The following B4GALT3 variants were observed in gnomAD, a reference collection of about 807,000 sequenced individuals.
B4GALT3 encodes the protein beta-1,4-galactosyltransferase 3.
A neutral mutation model predicts 40.7 loss-of-function variants in B4GALT3; 29 were observed. The ratio of observed to expected loss-of-function variants is 0.71; its 90% CI spans 0.53 to 0.97. B4GALT3 has a LOEUF of 0.97. Among genes scored for constraint, B4GALT3 ranks in the 50% least tolerant of loss-of-function variants. B4GALT3 has a pLI of 0.00. For synonymous variants in B4GALT3, 182 were observed against 203.9 expected (o/e 0.89, Z 0.92); for missense variants, 390 against 522.3 (o/e 0.75, Z 2.47).
intron 4 of B4GALT3, 87 bp from the exon 5 acceptor site, chr1:161,174,136 GGT>G: frequency 7.1e-7 from 1 of 1,415,066 alleles, no homozygotes; most frequent in East Asian, 2.3e-5. Flanking sequence ...GGCCGGGCGC[GGT>G]GGCTTACGCC....
At chr1:161,176,191 G>A in intron 2 of B4GALT3, 117 bp from the exon 3 acceptor site, 1 of 1,149,764 alleles carries the variant, frequency 8.7e-7, no homozygotes, top group Non-Finnish European at 1.2e-6. Context: ...AGAAAACAAA[G>A]TCACAGAAGG....
Position 161,173,727 on chromosome 1 carries a change from G to T in B4GALT3, c.681C>A (p.Ser227Arg). 6.2e-7 allele frequency: 1 copy of T among 1,614,110 alleles called. No individual in the cohort carries two copies. Among genetic ancestry groups the T allele is most frequent in the Non-Finnish European group, 8.5e-7 (1 of 1,180,008 alleles). Residue 227 changes from serine to arginine, a missense_variant and splice_region_variant, in exon 6 of 8, where the codon AGC (serine) becomes AGA (arginine). Ser to Arg is a moderately radical substitution (Grantham distance 110). Transcript: ENST00000319769. ...VAVAMNKFGYSLPYPQYFGGV... is the reference protein window; with the variant it reads ...VAVAMNKFGYRLPYPQYFGGV... Reference sequence around the variant, plus strand: ...CTCCGAAGTACTGGGGGTACGGGAGGCTAGGGAGAGAAAGATCCTTGCATA... The same window carrying T: ...CTCCGAAGTACTGGGGGTACGGGAGTCTAGGGAGAGAAAGATCCTTGCATA...
chr1:161,176,689 AGAG>A lies in B4GALT3; in HGVS notation c.-160-113_-160-111del, dbSNP rs1205404732. ...AGTGAAGGAAAGTGGTTGGAAAGGA[AGAG>A]GAGGAGCAGGAGATGGTAGGTCCCT... On this transcript the variant is annotated intron_variant, in intron 1 of 7. Transcript: ENST00000319769. 1.1e-5 allele frequency: 7 copies of A among 619,104 alleles called. No individual in the cohort carries two copies. In the Admixed American group the frequency reaches 1.4e-4, roughly 13 times the overall value. 38.4% of individuals were successfully genotyped at this position (619,104 alleles called of 1,614,324 possible).
chr1:161,172,042 A>G lies in B4GALT3; in HGVS notation c.956T>C (p.Met319Thr). The G allele has an allele frequency of 6.2e-7, 1 of 1,614,198 alleles. No individual in the cohort carries two copies. The highest frequency in any genetic ancestry group is 8.5e-7 in the Non-Finnish European group (1 of 1,180,028). The change falls in exon 8 of 8, where the codon ATG (methionine) becomes ACG (threonine). Residue 319 changes from methionine (M) to threonine (T), a missense_variant. Around this residue, in one of 3 missense-constraint regions of B4GALT3, gnomAD observed 135 missense variants for 227.8 expected, o/e 0.59. Coordinates refer to ENST00000319769, the MANE Select transcript of B4GALT3 (RefSeq NM_003779.4). The part of the protein sequence containing the change: ...RTQNSWTQDG[M>T]NSLTYQLLAR... ...CAGCAACTGGTATGTCAGTGAGTTC[A>G]TCCCATCTTGCGTCCAGGAATTCTG...
intron 4 of B4GALT3, 127 bp from the exon 5 acceptor site, chr1:161,174,176 G>A: frequency 1.0e-6 from 1 of 969,744 alleles, no homozygotes; most frequent in East Asian, 2.6e-5. Context: ...GGGAGGCCAA[G>A]GCAGGCAGAT....
intron 6 of B4GALT3, 137 bp from the exon 7 acceptor site, chr1:161,172,468 A>C: frequency 1.4e-6 from 1 of 720,922 alleles, no homozygotes; most frequent in Non-Finnish European, 2.2e-6. Flanking sequence ...CAGAAGTCAA[A>C]CAGAAAGAAG....
In B4GALT3 at chr1:161,176,002, A is replaced by G. The variant is rs1663370231; in HGVS notation, c.59T>C (p.Leu20Pro). ...CTLALLVGSQLAVMMYLSLGG... is the reference protein window; with the variant it reads ...CTLALLVGSQPAVMMYLSLGG... Reference sequence around the variant, plus strand: ...CAGTGACAGGTACATCATGACAGCCAGCTGGGAGCCCACAAGCAGGGCCAG... The same window carrying G: ...CAGTGACAGGTACATCATGACAGCCGGCTGGGAGCCCACAAGCAGGGCCAG... Residue 20 changes from leucine (L) to proline (P), a missense_variant, in exon 3 of 8, where the codon CTG (leucine) becomes CCG (proline). Around this residue, in one of 3 missense-constraint regions of B4GALT3, gnomAD observed 183 missense variants for 223.2 expected, o/e 0.82. Coordinates refer to ENST00000319769, the MANE Select transcript of B4GALT3 (RefSeq NM_003779.4). 1.2e-6 allele frequency: 2 copies of G among 1,614,128 alleles called. No homozygotes were observed. The highest frequency in any genetic ancestry group is 8.5e-7 in the Non-Finnish European group (1 of 1,180,020).
At chr1:161,177,594 G>A (rs751361722), upstream of B4GALT3, 41 of 158,990 alleles carry the variant, frequency 2.6e-4, no homozygotes, top group Non-Finnish European at 5.3e-4. Flanking sequence ...CGTGGCCGGG[G>A]GCTTGTGAGG....
Position 161,171,749 on chromosome 1 carries a change from G to T in B4GALT3, c.*67C>A. The T allele has an allele frequency of 6.4e-7, 1 of 1,569,332 alleles. No homozygotes were observed. Among genetic ancestry groups the T allele is most frequent in the Non-Finnish European group, 8.7e-7 (1 of 1,150,164 alleles). On this transcript the variant is annotated 3_prime_UTR_variant, in exon 8 of 8. Coordinates refer to ENST00000319769, the MANE Select transcript of B4GALT3 (RefSeq NM_003779.4). ...CACATCCCTCTGAGAACAGTGAGGA[G>T]CTGAGGGTGGGGAGAATACAACCCC...
chr1:161,171,962 G>A lies in B4GALT3; in HGVS notation c.1036C>T (p.Pro346Ser), dbSNP rs762986792. 6.2e-7 allele frequency: 1 copy of A among 1,614,010 alleles called. No individual in the cohort carries two copies. Among genetic ancestry groups the A allele is most frequent in the African/African-American group, 1.3e-5 (1 of 74,882 alleles). The change falls in exon 8 of 8, where the codon CCT (proline) becomes TCT (serine). Residue 346 changes from proline (P) to serine (S), a missense_variant. Physicochemically the swap from Pro to Ser is moderately conservative, Grantham distance 74. Transcript: ENST00000319769. ...TNITADIGTD[P>S]RGPRAPSGPR... ...CCAGAAGGAGCCCGAGGACCCCGAG[G>A]GTCAGTCCCAATGTCTGCTGTGATG...
chr1:161,176,925 G>T, intron 1 of B4GALT3: 1 of 1,536,236 alleles, frequency 6.5e-7, no homozygotes, highest in Non-Finnish European at 8.7e-7. Context: ...GGGCGAAGTA[G>T]GAAACAGGCT....
chr1:161,177,650 C>G (rs1286451041), upstream of B4GALT3: 2 of 156,718 alleles, frequency 1.3e-5, no homozygotes, highest in Non-Finnish European at 2.8e-5. Context: ...GTAGGCGACC[C>G]CCTGGGGAGC....
Position 161,176,000 on chromosome 1 carries a change from C to A in B4GALT3, c.61G>T (p.Ala21Ser). ...CCCAGTGACAGGTACATCATGACAG[C>A]CAGCTGGGAGCCCACAAGCAGGGCC... ...TLALLVGSQL[A>S]VMMYLSLGGF... Residue 21 changes from alanine (A) to serine (S), a missense_variant, in exon 3 of 8, where the codon GCT (alanine) becomes TCT (serine). Transcript: ENST00000319769. 6.2e-7 allele frequency: 1 copy of A among 1,614,112 alleles called. No homozygotes were observed. The highest frequency in any genetic ancestry group is 8.5e-7 in the Non-Finnish European group (1 of 1,180,014).
chr1:161,172,294 T>C lies in B4GALT3; in HGVS notation c.841A>G (p.Thr281Ala), dbSNP rs774403075. ...ACCATCTTATAGTGTCCTACAGATG[T>C]GGGGGGCCGAGAGATCTTCATCCCA... ...LAGMKISRPP[T>A]SVGHYKMVKH... Residue 281 changes from threonine to alanine, a missense_variant, in exon 7 of 8, where the codon ACA (threonine) becomes GCA (alanine). By Grantham distance (58) the Thr-to-Ala change is moderately conservative (BLOSUM62 0). Around this residue, in one of 3 missense-constraint regions of B4GALT3, gnomAD observed 135 missense variants for 227.8 expected, o/e 0.59. Transcript: ENST00000319769. The C allele has an allele frequency of 1.9e-5, 31 of 1,613,850 alleles. No homozygotes were observed. The South Asian group carries it at 3.3e-4, about 17-fold the overall frequency.
intron 1 of B4GALT3, chr1:161,177,024 C>A (rs1381897148): frequency 7.8e-6 from 12 of 1,534,714 alleles, no homozygotes; most frequent in Non-Finnish European, 1.0e-5. Context: ...CCCCGGAGCT[C>A]GGCGGAGAGT....
rs545295972 is a variant in B4GALT3 at position 161,173,884 on chromosome 1, C to T, written c.655G>A (p.Val219Ile). Residue 219 changes from valine (V) to isoleucine (I), a missense_variant, in exon 5 of 8, where the codon GTT (valine) becomes ATT (isoleucine). Val to Ile is a conservative substitution (Grantham distance 29). Transcript: ENST00000319769. Reference protein sequence around the residue: ...CDPRGPRHVAVAMNKFGYSLP... With the variant: ...CDPRGPRHVAIAMNKFGYSLP... ...CTGTATCCAAACTTGTTCATAGCAA[C>T]GGCAACATGGCGGGGTCCCCGGGGG... 3.7e-6 allele frequency: 6 copies of T among 1,614,022 alleles called. No homozygotes were observed. The highest frequency in any genetic ancestry group is 2.2e-5 in the South Asian group (2 of 91,060).
chr1:161,173,079 A>G (rs1485878460), intron 6 of B4GALT3, among the ~76,000 whole-genome samples: 1 of 152,200 alleles, frequency 6.6e-6, no homozygotes. Context: ...GTCATCACAG[A>G]GGACACAGGG....
intron 1 of B4GALT3, chr1:161,177,067 C>T: frequency 6.5e-7 from 1 of 1,535,530 alleles, no homozygotes; most frequent in Non-Finnish European, 8.7e-7. Flanking sequence ...CCTTTTCTAC[C>T]TTTCCCCTCT....
chr1:161,177,269 C>G (rs1247555882), intron 1 of B4GALT3, 154 bp downstream of exon 1: 2 of 594,944 alleles, frequency 3.4e-6, no homozygotes, highest in Admixed American at 3.0e-5. Flanking sequence ...TACCTACTAG[C>G]AACGTGAGCC....
Sources: allele counts gnomAD v4.1 joint callset (sites outside exome capture counted in the v4.1 genomes callset), GRCh38; gene constraint gnomAD v4.1.1; regional missense constraint gnomAD v4.1.1; transcripts MANE v1.5; gene names NCBI Gene and HGNC (gene_info 2026-07-23, HGNC 2026-07-21).